Variants in BTRC observed in about 807,000 individuals in gnomAD.
BTRC encodes F-box/WD repeat-containing protein 1A.
In BTRC, 42 loss-of-function variants were observed where a neutral mutation model predicts 85.5. That is an observed-to-expected ratio of 0.49 (90% CI 0.38 to 0.64). BTRC has a LOEUF of 0.64. Among genes scored for constraint, BTRC ranks in the 30% least tolerant of loss-of-function variants. The pLI is 0.00. For missense variants in BTRC, 594 were observed against 743.5 expected (o/e 0.80, Z 2.34); for synonymous variants, 255 against 263.3 (o/e 0.97, Z 0.30).
intron 1 of BTRC, among the ~76,000 whole-genome samples, chr10:101,408,538 C>T (rs953304445): frequency 2.0e-5 from 3 of 152,240 alleles, no homozygotes; most frequent in East Asian, 3.9e-4. Flanking sequence ...AACTCATGGA[C>T]GCAAGCGATC....
At chr10:101,458,753 T>G (rs1945144879) in intron 2 of BTRC, among the ~76,000 whole-genome samples, 1 of 152,218 alleles carries the variant, frequency 6.6e-6, no homozygotes, top group African/African-American at 2.4e-5. Flanking sequence ...TTAAGTTTTG[T>G]GGTTTTGACA....
intron 14 of BTRC, among the ~76,000 whole-genome samples, chr10:101,552,355 G>GTA (rs2062665208): frequency 8.4e-6 from 1 of 119,150 alleles, no homozygotes; most frequent in African/African-American, 2.8e-5. Flanking sequence ...CTAATTGTTT[G>GTA]TATTTTTTTT....
In BTRC at chr10:101,555,526, G is replaced by A. The variant is rs1161266202; in HGVS notation, c.*2403G>A. The A allele has an allele frequency of 6.6e-6, 1 of 152,542 alleles. No homozygotes were observed. Among genetic ancestry groups the A allele is most frequent in the African/African-American group, 2.4e-5 (1 of 41,446 alleles). 9.4% of individuals were successfully genotyped at this position (152,542 alleles called of 1,614,324 possible). A position where few individuals can be genotyped will look rare whatever the true frequency, so the allele number is the denominator to read the frequency against. On this transcript the variant is annotated 3_prime_UTR_variant, in exon 15 of 15. Coordinates refer to ENST00000370187, the MANE Select transcript of BTRC (RefSeq NM_033637.4). ...TGAAGTTAAGTGGTCTGAAAAACTT[G>A]AATCGTTCACATTTCTCAGCTCTGG...
intron 1 of BTRC, among the ~76,000 whole-genome samples, chr10:101,415,623 C>G (rs1360687246): frequency 1.3e-5 from 2 of 150,480 alleles, no homozygotes; most frequent in Non-Finnish European, 2.9e-5. Flanking sequence ...CTCACTGCAA[C>G]CTCTGCCTCC....
chr10:101,445,413 A>T (rs928537290), intron 2 of BTRC, among the ~76,000 whole-genome samples: 1 of 152,232 alleles, frequency 6.6e-6, no homozygotes, highest in Non-Finnish European at 1.5e-5. Flanking sequence ...ACTGCTGAGC[A>T]TGCTAGCTTC....
At position 101,384,897 on chromosome 10, in the gene BTRC, T is replaced by A. The variant is rs138008006; in HGVS notation, c.48+30669T>A. The stretch of plus-strand genomic sequence containing the variant: ...ACTACTTAACTGAATTTTTAATTGC[T>A]TAATTGAAACTATGGAGTTTTAAAA... On this transcript the variant is annotated intron_variant, in intron 1 of 14. Coordinates refer to ENST00000370187, the MANE Select transcript of BTRC (RefSeq NM_033637.4). Among the ~76,000 whole-genome samples, 239 of 152,274 alleles carry A rather than the reference T, an allele frequency of 1.6e-3. 2 individuals carry two copies. Among genetic ancestry groups the A allele is most frequent in the African/African-American group, 5.6e-3 (233 of 41,560 alleles).
intron 4 of BTRC, among the ~76,000 whole-genome samples, chr10:101,492,395 A>G (rs1946156752): frequency 6.6e-6 from 1 of 152,212 alleles, no homozygotes; most frequent in South Asian, 2.1e-4. Context: ...TAATACTGTA[A>G]ATAAGATGAA....
rs779431034 is a variant in BTRC, at chr10:101,534,892, T to G, written c.1329T>G (p.Ser443=). The G allele has an allele frequency of 4.3e-6, 7 of 1,614,126 alleles. 1 individual carries two copies. In the South Asian group the frequency reaches 7.7e-5, roughly 18 times the overall value. The change falls in exon 10 of 15, where the codon TCT becomes TCG. Residue 443 remains serine, a synonymous_variant. Coordinates refer to ENST00000370187, the MANE Select transcript of BTRC (RefSeq NM_033637.4). ...DFDDKYIVSA[S]GDRTIKVWNT... is the part of the protein sequence containing the mutation. ...ATGACAAGTACATTGTTTCTGCATC[T>G]GGGGATAGAACTATAAAGGTAATAA...
chr10:101,406,378 G>A (rs954079025), intron 1 of BTRC, among the ~76,000 whole-genome samples: 6 of 151,154 alleles, frequency 4.0e-5, no homozygotes, highest in Admixed American at 6.6e-5. Flanking sequence ...GGGTTTCACC[G>A]TGGTCTTGAT....
At chr10:101,505,395 G>A (rs1053705783) in intron 4 of BTRC, among the ~76,000 whole-genome samples, 16 of 150,610 alleles carry the variant, frequency 1.1e-4, no homozygotes, top group Middle Eastern at 6.9e-3. Flanking sequence ...CGAGGCGGGC[G>A]GATCATGAGG....
intron 2 of BTRC, among the ~76,000 whole-genome samples, chr10:101,436,674 A>G (rs1459386567): frequency 6.6e-6 from 1 of 152,112 alleles, no homozygotes; most frequent in Non-Finnish European, 1.5e-5. Context: ...AGATAGATTT[A>G]TATGGCCCTA....
intron 1 of BTRC, among the ~76,000 whole-genome samples, chr10:101,404,316 C>T (rs1032603363): frequency 6.6e-6 from 1 of 151,826 alleles, no homozygotes; most frequent in Non-Finnish European, 1.5e-5. Context: ...AGGTGTGAGC[C>T]ACCGCGCCCA....
Position 101,535,397 on chromosome 10 carries a change from G to T in BTRC, c.1391G>T (p.Gly464Val). ...STCEFVRTLN[G>V]HKRGIACLQY... is the part of the protein sequence containing the mutation. ...TGTGAATTTGTAAGGACCTTAAATGGACACAAACGAGGCATTGCCTGTTTG... is the reference window on the plus strand; with the variant it reads ...TGTGAATTTGTAAGGACCTTAAATGTACACAAACGAGGCATTGCCTGTTTG... The change falls in exon 11 of 15, where the codon GGA (glycine) becomes GTA (valine). Residue 464 changes from glycine to valine, a missense_variant. Around this residue, in one of 4 missense-constraint regions of BTRC, gnomAD observed 373 missense variants for 503.6 expected, o/e 0.74. Coordinates refer to ENST00000370187, the MANE Select transcript of BTRC (RefSeq NM_033637.4). 6.2e-7 allele frequency: 1 copy of T among 1,614,078 alleles called. No homozygotes were observed. Among genetic ancestry groups the T allele is most frequent in the Non-Finnish European group, 8.5e-7 (1 of 1,179,990 alleles).
At chr10:101,501,528 T>C (rs1236247266) in intron 4 of BTRC, among the ~76,000 whole-genome samples, 1 of 152,256 alleles carries the variant, frequency 6.6e-6, no homozygotes, top group Non-Finnish European at 1.5e-5. Flanking sequence ...AGAAAACTTT[T>C]TGATGAATGG....
At chr10:101,403,229 T>A (rs1943533064) in intron 1 of BTRC, among the ~76,000 whole-genome samples, 1 of 152,200 alleles carries the variant, frequency 6.6e-6, no homozygotes, top group South Asian at 2.1e-4. Flanking sequence ...AACAGATTGC[T>A]TCATTCCCCC....
Position 101,526,005 on chromosome 10 carries a change from A to G in BTRC, c.557-8A>G, listed in dbSNP as rs377123253. On this transcript the variant is annotated splice_region_variant and splice_polypyrimidine_tract_variant and intron_variant, in intron 5 of 14. Coordinates refer to ENST00000370187, the MANE Select transcript of BTRC (RefSeq NM_033637.4). ...TTCTTTTTCTTTGCCTCCTCCCCCT[A>G]CTGAAAGCTCGGGGATTGGATCATA... The G allele has an allele frequency of 1.3e-5, 21 of 1,611,906 alleles. 1 individual carries two copies. In the South Asian group the frequency reaches 1.8e-4, roughly 14 times the overall value.
At chr10:101,424,033 C>T (rs1221995136) in intron 1 of BTRC, among the ~76,000 whole-genome samples, 1 of 152,126 alleles carries the variant, frequency 6.6e-6, no homozygotes, top group Non-Finnish European at 1.5e-5. Flanking sequence ...AGTTCGAGAC[C>T]AGCCTGGCTA....
At chr10:101,374,293 T>G (rs1377588938) in intron 1 of BTRC, among the ~76,000 whole-genome samples, 2 of 152,120 alleles carry the variant, frequency 1.3e-5, no homozygotes, top group African/African-American at 4.8e-5. Context: ...TGGTTTTGAT[T>G]TGCATTTCTC....
rs183704958 is a variant in BTRC at position 101,475,585 on chromosome 10, T to C, written c.235-3783T>C. On this transcript the variant is annotated intron_variant, in intron 3 of 14. Coordinates refer to ENST00000370187, the MANE Select transcript of BTRC (RefSeq NM_033637.4). ...AACAGAACTGACTTTATAATATCGA[T>C]GGGGAGTTATATATCTCTACTATTT... is the stretch of plus-strand genomic sequence containing the variant. Among the ~76,000 whole-genome samples, 38 of 152,198 alleles carry C rather than the reference T, an allele frequency of 2.5e-4. 1 individual carries two copies. The highest frequency in any genetic ancestry group is 2.3e-3 in the Admixed American group (35 of 15,284).
Sources: allele counts gnomAD v4.1 joint callset (sites outside exome capture counted in the v4.1 genomes callset), GRCh38; gene constraint gnomAD v4.1.1; regional missense constraint gnomAD v4.1.1; transcripts MANE v1.5; gene names NCBI Gene and HGNC (gene_info 2026-07-23, HGNC 2026-07-21).